ABCA4: variants seen among roughly 807,000 people sequenced by gnomAD.
The protein encoded by ABCA4 is ATP binding cassette subfamily A member 4.
A neutral mutation model predicts 263.7 loss-of-function variants in ABCA4; 196 were observed. The observed-to-expected ratio is 0.74, with a 90% confidence interval of 0.66 to 0.84. ABCA4 has a LOEUF of 0.84. Among genes scored for constraint, ABCA4 ranks in the 40% least tolerant of loss-of-function variants. The probability of loss-of-function intolerance (pLI) is 0.00; values close to 1 mark genes in which losing one functional copy is unlikely to be tolerated. For missense variants in ABCA4, 2,792 were observed against 2,855.1 expected (o/e 0.98, Z 0.50); for synonymous variants, 1,133 against 1,094.2 (o/e 1.04, Z -0.70).
Position 94,021,849 on chromosome 1 carries a change from G to C in ABCA4, c.4770C>G (p.Ser1590Arg). Reference protein sequence around the residue: ...LSDLGRIMNVSGGPITREASK... With the variant: ...LSDLGRIMNVRGGPITREASK... ...AATCTCCAGTCTGTTTACATACCCC[G>C]CTCACATTCATGATCCGGCCAAGGT... Residue 1590 changes from serine (S) to arginine (R), a missense_variant, in exon 33 of 50, where the codon AGC (serine) becomes AGG (arginine). Coordinates refer to ENST00000370225, the MANE Select transcript of ABCA4 (RefSeq NM_000350.3). 1.2e-6 allele frequency: 2 copies of C among 1,613,982 alleles called. No homozygotes were observed. Among genetic ancestry groups the C allele is most frequent in the Non-Finnish European group, 1.7e-6 (2 of 1,179,950 alleles).
intron 18 of ABCA4, among the ~76,000 whole-genome samples, chr1:94,048,398 T>C (rs1660744346): frequency 6.6e-6 from 1 of 152,258 alleles, no homozygotes; most frequent in Non-Finnish European, 1.5e-5. Flanking sequence ...CAGGAAAGGC[T>C]TCTGATGGTT....
rs755691060 is a variant in ABCA4, at chr1:94,111,450, T to C, written c.290A>G (p.Tyr97Cys). ...TCTCAACACTTACATGGAGTTGTTA[T>C]AGTTTGACACAATTCCAGGAGATTC... ...PGESPGIVSN[Y>C]NNSILARVYR... The change falls in exon 3 of 50, where the codon TAT (tyrosine) becomes TGT (cysteine). Residue 97 changes from tyrosine (Y) to cysteine (C), a missense_variant. Coordinates refer to ENST00000370225, the MANE Select transcript of ABCA4 (RefSeq NM_000350.3). The C allele has an allele frequency of 4.3e-6, 7 of 1,614,052 alleles. No homozygotes were observed. Among genetic ancestry groups the C allele is most frequent in the Admixed American group, 3.3e-5 (2 of 60,018 alleles).
chr1:94,057,653 TC>T (rs1330786572), intron 14 of ABCA4, among the ~76,000 whole-genome samples: 1 of 152,218 alleles, frequency 6.6e-6, no homozygotes, highest in Non-Finnish European at 1.5e-5. Flanking sequence ...CAAATATATT[TC>T]CTAGAACCTG....
intron 32 of ABCA4, among the ~76,000 whole-genome samples, chr1:94,023,175 C>T (rs1333728599): frequency 6.6e-6 from 1 of 152,142 alleles, no homozygotes; most frequent in East Asian, 1.9e-4. Context: ...ATGCCACCCC[C>T]ACTTATGTCC....
At chr1:94,031,733 G>C in intron 27 of ABCA4, 45 bp downstream of exon 27, 1 of 1,611,514 alleles carries the variant, frequency 6.2e-7, no homozygotes. Context: ...GGAAGGCTGG[G>C]AGAGGAGCCA....
chr1:94,042,631 G>T, intron 22 of ABCA4, 130 bp downstream of exon 22: 1 of 1,310,146 alleles, frequency 7.6e-7, no homozygotes, highest in Non-Finnish European at 1.1e-6. Context: ...CCAAGTCACT[G>T]ATAAACCCCC....
intron 26 of ABCA4, among the ~76,000 whole-genome samples, chr1:94,034,519 A>G (rs779454559): frequency 6.6e-6 from 1 of 152,014 alleles, no homozygotes; most frequent in African/African-American, 2.4e-5. Flanking sequence ...TGTGACCCCA[A>G]TGCACAGCTA....
chr1:93,993,159 G>T lies in ABCA4; in HGVS notation c.*78C>A. The T allele has an allele frequency of 1.3e-6, 2 of 1,583,862 alleles. No individual in the cohort carries two copies. The highest frequency in any genetic ancestry group is 2.2e-5 in the South Asian group (2 of 90,248). On this transcript the variant is annotated 3_prime_UTR_variant, in exon 50 of 50. Coordinates refer to ENST00000370225, the MANE Select transcript of ABCA4 (RefSeq NM_000350.3). The stretch of plus-strand genomic sequence containing the variant: ...TTTACGCTGGCCAGTCCATTTGGAT[G>T]ACCATATGGGCACAGGCTCCTGCGC...
intron 40 of ABCA4, 121 bp from the exon 41 acceptor site, chr1:94,008,992 G>T: frequency 7.0e-7 from 1 of 1,427,142 alleles, no homozygotes; most frequent in Non-Finnish European, 9.6e-7. Context: ...CATCCTTTAA[G>T]ACTTAAATTC....
chr1:94,102,330 T>C (rs2101141826), intron 5 of ABCA4, among the ~76,000 whole-genome samples: 1 of 152,222 alleles, frequency 6.6e-6, no homozygotes, highest in African/African-American at 2.4e-5. Context: ...TGGGCTCTTC[T>C]GCAGCATCTC....
chr1:94,049,577 T>C (rs757105405), intron 17 of ABCA4, among the ~76,000 whole-genome samples: 2 of 152,164 alleles, frequency 1.3e-5, no homozygotes, highest in Non-Finnish European at 2.9e-5. Flanking sequence ...TGAGCCGAGA[T>C]AGTGCCACTG....
chr1:94,051,535 C>A (rs949902597), intron 17 of ABCA4, 98 bp downstream of exon 17: 21 of 1,111,964 alleles, frequency 1.9e-5, no homozygotes, highest in South Asian at 3.8e-5. Flanking sequence ...GGAATCACAC[C>A]GTTTACATAG....
At position 94,079,468 on chromosome 1, in the gene ABCA4, G is replaced by C. The variant is rs897966530; in HGVS notation, c.1100-7C>G. The C allele has an allele frequency of 2.5e-6, 4 of 1,614,064 alleles. No homozygotes were observed. Among genetic ancestry groups the C allele is most frequent in the Non-Finnish European group, 3.4e-6 (4 of 1,180,026 alleles). On this transcript the variant is annotated splice_region_variant and splice_polypyrimidine_tract_variant and intron_variant, in intron 8 of 49. Coordinates refer to ENST00000370225, the MANE Select transcript of ABCA4 (RefSeq NM_000350.3). The stretch of plus-strand genomic sequence containing the variant: ...AATGCATTACAAAAGGATGCTGCCA[G>C]GAGACAAGGGACAGATTTTACAGAA...
In ABCA4 at chr1:94,029,597, T is replaced by C; in HGVS notation, c.4387A>G (p.Thr1463Ala). Residue 1463 changes from threonine (T) to alanine (A), a missense_variant, in exon 30 of 50, where the codon ACT becomes GCT. Coordinates refer to ENST00000370225, the MANE Select transcript of ABCA4 (RefSeq NM_000350.3). ...YPCGNSTPWK[T>A]PSVSPNITQL... ...GTGATGTTTGGGGACACAGAAGGAG[T>C]CTTCCAGGGTGTTGAGTTGCCACAG... 6.2e-7 allele frequency: 1 copy of C among 1,613,690 alleles called. No individual in the cohort carries two copies. Among genetic ancestry groups the C allele is most frequent in the Non-Finnish European group, 8.5e-7 (1 of 1,179,884 alleles).
At chr1:94,011,009 G>A (rs1465944373) in intron 39 of ABCA4, 80 bp from the exon 40 acceptor site, 2 of 1,609,494 alleles carry the variant, frequency 1.2e-6, no homozygotes, top group African/African-American at 2.7e-5. Flanking sequence ...GGGCCCACTA[G>A]ACCAGGCCTT....
In ABCA4 at chr1:94,001,092, G is replaced by A. The variant is rs1659161801; in HGVS notation, c.6296C>T (p.Thr2099Ile). Residue 2099 changes from threonine (T) to isoleucine (I), a missense_variant, in exon 46 of 50, where the codon ACA becomes ATA. By Grantham distance (89) the Thr-to-Ile change is moderately conservative. Coordinates refer to ENST00000370225, the MANE Select transcript of ABCA4 (RefSeq NM_000350.3). Reference sequence around the variant, plus strand: ...GCGGCGTGCCTGGGGGTCCATCCCTGTGGTGGGCTCATCCTGGGGGGTGGA... The same window carrying A: ...GCGGCGTGCCTGGGGGTCCATCCCTATGGTGGGCTCATCCTGGGGGGTGGA... ...PPLVLLDEPT[T>I]GMDPQARRML... is the part of the protein sequence containing the mutation. 2 of 1,613,964 alleles carry A rather than the reference G, an allele frequency of 1.2e-6. No homozygotes were observed. The highest frequency in any genetic ancestry group is 1.7e-6 in the Non-Finnish European group (2 of 1,179,996).
At chr1:94,030,339 G>T in intron 29 of ABCA4, 89 bp downstream of exon 29, 3 of 1,128,328 alleles carry the variant, frequency 2.7e-6, no homozygotes, top group Non-Finnish European at 4.0e-6. Context: ...GATTGAGTGG[G>T]GCCTCCCCAA....
chr1:94,116,755 G>A (rs1662775317), intron 1 of ABCA4, among the ~76,000 whole-genome samples: 1 of 152,084 alleles, frequency 6.6e-6, no homozygotes, highest in South Asian at 2.1e-4. Flanking sequence ...ATACCCCAGG[G>A]AGAAATTCCA....
At chr1:94,096,862 G>A (rs1380073253) in intron 6 of ABCA4, among the ~76,000 whole-genome samples, 2 of 152,144 alleles carry the variant, frequency 1.3e-5, no homozygotes, top group Non-Finnish European at 2.9e-5. Flanking sequence ...ACGAACCTGG[G>A]TACCCAGGCC....
Sources: allele counts gnomAD v4.1 joint callset (sites outside exome capture counted in the v4.1 genomes callset), GRCh38; gene constraint gnomAD v4.1.1; transcripts MANE v1.5; gene names NCBI Gene and HGNC (gene_info 2026-07-23, HGNC 2026-07-21).